FRMD1: variants seen among roughly 807,000 people sequenced by gnomAD.
FRMD1 encodes the protein FERM domain containing 1.
A neutral mutation model predicts 54.9 loss-of-function variants in FRMD1; 51 were observed. The observed-to-expected ratio is 0.93, with a 90% CI of 0.74 to 1.17. The LOEUF (loss-of-function observed/expected upper bound fraction) is 1.17. Among genes scored for constraint, FRMD1 ranks in the 50% most tolerant of loss-of-function variants. The probability of loss-of-function intolerance (pLI) is 0.00; values close to 1 mark genes in which losing one functional copy is unlikely to be tolerated. For synonymous variants in FRMD1, 324 were observed against 306.4 expected (o/e 1.06, Z -0.60); for missense variants, 729 against 743.0 (o/e 0.98, Z 0.22).
At chr6:168,092,578 G>C (rs1415856005) in intron 1 of FRMD1, among the ~76,000 whole-genome samples, 1 of 148,630 alleles carries the variant, frequency 6.7e-6, no homozygotes, top group Non-Finnish European at 1.5e-5. Flanking sequence ...GACCCAGAGA[G>C]ACCCTCCACC....
rs1271964796 is a variant in FRMD1, at chr6:168,056,800, C to T, written c.*297G>A. The T allele has an allele frequency of 3.8e-6, 1 of 265,794 alleles. No individual in the cohort carries two copies. The highest frequency in any genetic ancestry group is 7.1e-6 in the Non-Finnish European group (1 of 140,820). The allele number at this position is 265,794 out of a possible 1,614,324, so 16.5% of individuals were successfully genotyped here. ...GATGGGTGACAGGCTGCCTCAGGGG[C>T]CAACACCATGGCTCTCTGGACACTT... On this transcript the variant is annotated 3_prime_UTR_variant, in exon 11 of 11. Coordinates refer to ENST00000283309, the MANE Select transcript of FRMD1 (RefSeq NM_024919.6).
At position 168,057,223 on chromosome 6, in the gene FRMD1, G is replaced by A; in HGVS notation, c.1524C>T (p.His508=). The A allele has an allele frequency of 1.2e-6, 2 of 1,609,664 alleles. No homozygotes were observed. The highest frequency in any genetic ancestry group is 1.7e-6 in the Non-Finnish European group (2 of 1,178,248). ...PAPTSLSHTF[H]RALDCRLAGP... ...CTGCCAGCCTGCAGTCCAGGGCGCG[G>A]TGGAAGGTATGGCTGAGTGAGGTGG... Residue 508 remains histidine (H), a synonymous_variant, in exon 11 of 11, where the codon CAC becomes CAT. Coordinates refer to ENST00000283309, the MANE Select transcript of FRMD1 (RefSeq NM_024919.6).
In FRMD1 at chr6:168,063,611, C is replaced by T; in HGVS notation, c.794G>A (p.Arg265Lys). Residue 265 changes from arginine (R) to lysine (K), a missense_variant, in exon 6 of 11, where the codon AGG (arginine) becomes AAG (lysine). Coordinates refer to ENST00000283309, the MANE Select transcript of FRMD1 (RefSeq NM_024919.6). ...CGCCCTGGGCTCGACCTTGTGCAGCCTGAAGAAGTGCACGGGCACGTCCTC... is the reference window on the plus strand; with the variant it reads ...CGCCCTGGGCTCGACCTTGTGCAGCTTGAAGAAGTGCACGGGCACGTCCTC... ...RLEDVPVHFF[R>K]LHKDKKEGRP... 4.3e-6 allele frequency: 7 copies of T among 1,611,780 alleles called. No homozygotes were observed. The highest frequency in any genetic ancestry group is 5.1e-6 in the Non-Finnish European group (6 of 1,179,030).
chr6:168,082,251 G>A (rs765014116), upstream of FRMD1, among the ~76,000 whole-genome samples: 4 of 152,224 alleles, frequency 2.6e-5, no homozygotes, highest in Non-Finnish European at 4.4e-5. Flanking sequence ...ACTCGGCTGC[G>A]ATGGCCGCAA....
chr6:168,066,115 A>G, intron 4 of FRMD1: 1 of 991,484 alleles, frequency 1.0e-6, no homozygotes, highest in Non-Finnish European at 1.2e-6. Flanking sequence ...CAGCAAGCAT[A>G]GCAGCCCTTA....
At chr6:168,089,670 T>C (rs1800982219) in intron 1 of FRMD1, among the ~76,000 whole-genome samples, 1 of 152,208 alleles carries the variant, frequency 6.6e-6, no homozygotes, top group African/African-American at 2.4e-5. Flanking sequence ...GCCCCGTCTG[T>C]CCTCAGGTCC....
chr6:168,089,672 C>G (rs1325603923), intron 1 of FRMD1, among the ~76,000 whole-genome samples: 1 of 152,250 alleles, frequency 6.6e-6, no homozygotes, highest in Non-Finnish European at 1.5e-5. Context: ...CCCGTCTGTC[C>G]TCAGGTCCCT....
rs1365597271 is a variant in FRMD1, at chr6:168,058,101, G to A, written c.1408-762C>T. Among the ~76,000 whole-genome samples the A allele has an allele frequency of 9.9e-5, 15 of 152,212 alleles. 1 individual carries two copies. The highest frequency in any genetic ancestry group is 9.2e-4 in the Admixed American group (14 of 15,282). The stretch of plus-strand genomic sequence containing the variant: ...ATTGCCCCCACTGGGATGGGCCCGC[G>A]CCTGCCAGGACTTGCAGCCTCCCCT... On this transcript the variant is annotated intron_variant, in intron 10 of 10. Coordinates refer to ENST00000283309, the MANE Select transcript of FRMD1 (RefSeq NM_024919.6).
upstream of FRMD1, among the ~76,000 whole-genome samples, chr6:168,083,601 C>T (rs1377544764): frequency 6.6e-6 from 1 of 152,248 alleles, no homozygotes; most frequent in Non-Finnish European, 1.5e-5. Context: ...GGCAGCTGTG[C>T]ACTCCCCATC....
In FRMD1 at chr6:168,065,997, G is replaced by A. The variant is rs189156173; in HGVS notation, c.461+758C>T. On this transcript the variant is annotated intron_variant, in intron 4 of 10. Transcript: ENST00000283309. ...GGCAGCTCTGGAAGAAGCAGCCCCC[G>A]TTGGTTTAGAGTGCAGCCCACCAGA... The A allele has an allele frequency of 1.8e-4, 181 of 1,000,168 alleles. 1 individual carries two copies. In the African/African-American group the frequency reaches 2.0e-3, roughly 11 times the overall value. 62.0% of individuals were successfully genotyped at this position (1,000,168 alleles called of 1,614,324 possible).
At chr6:168,078,176 C>A (rs1286763683) in intron 1 of FRMD1, among the ~76,000 whole-genome samples, 1 of 152,054 alleles carries the variant, frequency 6.6e-6, no homozygotes, top group African/African-American at 2.4e-5. Flanking sequence ...AAAGTACCAT[C>A]TCAACTCCTG....
chr6:168,055,064 A>G lies in FRMD1; in HGVS notation c.*2033T>C, dbSNP rs1799355034. On this transcript the variant is annotated 3_prime_UTR_variant, in exon 11 of 11. Transcript: ENST00000283309. Reference sequence around the variant, plus strand: ...TAACAGGCATCTGGCATAATTCTCCATGTCTGTCCACAAGGCCCAGAGGAA... The same window carrying G: ...TAACAGGCATCTGGCATAATTCTCCGTGTCTGTCCACAAGGCCCAGAGGAA... 6.6e-6 allele frequency: 1 copy of G among 152,256 alleles called. No homozygotes were observed. Among genetic ancestry groups the G allele is most frequent in the Non-Finnish European group, 1.5e-5 (1 of 68,078 alleles). The allele number at this position is 152,256 out of a possible 1,614,324, so 9.4% of individuals were successfully genotyped here.
intron 2 of FRMD1, among the ~76,000 whole-genome samples, chr6:168,072,611 G>C (rs537842549): frequency 6.6e-6 from 1 of 152,366 alleles, no homozygotes; most frequent in East Asian, 1.9e-4. Context: ...TGAACGTCCG[G>C]CGGTGATGAA....
chr6:168,062,813 C>T (rs1172978024), intron 7 of FRMD1, 81 bp downstream of exon 7: 2 of 1,604,630 alleles, frequency 1.2e-6, no homozygotes, highest in East Asian at 2.2e-5. Context: ...GGATGCTACA[C>T]AGCCCAGACT....
At chr6:168,060,119 GT>G (rs1280087360) in intron 9 of FRMD1, among the ~76,000 whole-genome samples, 1 of 77,040 alleles carries the variant, frequency 1.3e-5, no homozygotes, top group Non-Finnish European at 2.5e-5. Context: ...CTTCCTAAGA[GT>G]TGGGGGGGTC....
upstream of FRMD1, among the ~76,000 whole-genome samples, chr6:168,082,362 G>A (rs1448164733): frequency 6.6e-6 from 1 of 152,092 alleles, no homozygotes; most frequent in Admixed American, 6.6e-5. Flanking sequence ...CCCCACCATC[G>A]AGCCTGTACT....
intron 5 of FRMD1, 104 bp from the exon 6 acceptor site, chr6:168,063,860 C>G: frequency 6.7e-6 from 9 of 1,345,420 alleles, no homozygotes; most frequent in Non-Finnish European, 8.9e-6. Context: ...ACAGCTGGTG[C>G]CAACCTCGGT....
chr6:168,072,082 A>C (rs1318359424), intron 2 of FRMD1, among the ~76,000 whole-genome samples: 1 of 152,248 alleles, frequency 6.6e-6, no homozygotes, highest in Admixed American at 6.5e-5. Context: ...GGGGCTGCCG[A>C]CTTCATGACC....
chr6:168,078,962 C>T lies in FRMD1; in HGVS notation c.133G>A (p.Gly45Arg), dbSNP rs1800742335. Residue 45 changes from glycine (G) to arginine (R), a missense_variant, in exon 1 of 11, where the codon GGA becomes AGA. Gly to Arg is a moderately radical substitution (Grantham distance 125). Transcript: ENST00000283309. Reference protein sequence around the residue: ...PACSQQEPTLGMDAMASEHRD... With the variant: ...PACSQQEPTLRMDAMASEHRD... The stretch of plus-strand genomic sequence containing the variant: ...TGTTCCGAGGCCATCGCGTCCATTC[C>T]CAGGGTCGGCTCCTGCTGACTGCAT... 3.1e-6 allele frequency: 5 copies of T among 1,611,588 alleles called. No individual in the cohort carries two copies. Among genetic ancestry groups the T allele is most frequent in the South Asian group, 1.1e-5 (1 of 91,064 alleles).
Sources: gnomAD v4.1 joint callset for allele counts (sites outside exome capture counted in the v4.1 genomes callset) on GRCh38, gnomAD v4.1.1 for gene constraint, MANE v1.5 for transcripts, NCBI Gene and HGNC (gene_info 2026-07-23, HGNC 2026-07-21) for gene names.